Variants in CADM2 observed in about 807,000 individuals in gnomAD.
CADM2 encodes the protein immunoglobulin superfamily member 4D.
In CADM2, 12 loss-of-function variants were observed where a neutral mutation model predicts 49.8. The observed-to-expected ratio is 0.24, with a 90% CI of 0.15 to 0.39. The LOEUF (loss-of-function observed/expected upper bound fraction) is 0.39. Among genes scored for constraint, CADM2 ranks in the 10% least tolerant of loss-of-function variants. CADM2 has a pLI of 1.00. For synonymous variants in CADM2, 214 were observed against 175.4 expected, an observed-to-expected ratio of 1.22 and a Z score of -1.74; for missense variants, 378 against 492.3, an observed-to-expected ratio of 0.77 and a Z score of 2.20.
chr3:85,783,665 A>T (rs2070793924), intron 2 of CADM2, among the ~76,000 whole-genome samples: 1 of 152,222 alleles, frequency 6.6e-6, no homozygotes, highest in African/African-American at 2.4e-5. Context: ...AGCATTATAT[A>T]TTTTTAAGTA....
At chr3:86,042,193 T>G (rs1213291887) in intron 8 of CADM2, among the ~76,000 whole-genome samples, 1 of 151,772 alleles carries the variant, frequency 6.6e-6, no homozygotes, top group African/African-American at 2.4e-5. Flanking sequence ...GAAAACACAT[T>G]CAAAAGCTAG....
At chr3:85,491,672 C>G (rs2039678393) in intron 1 of CADM2, among the ~76,000 whole-genome samples, 2 of 152,212 alleles carry the variant, frequency 1.3e-5, no homozygotes, top group African/African-American at 4.8e-5. Flanking sequence ...TTCTTCTGGG[C>G]CGGGCACGGT....
chr3:85,886,452 C>T (rs1414785568), intron 5 of CADM2, 125 bp downstream of exon 5: 1 of 634,544 alleles, frequency 1.6e-6, no homozygotes, highest in Non-Finnish European at 2.7e-6. Context: ...TCATTTGAAC[C>T]AGATTTACCC....
chr3:85,545,198 G>C (rs2061641236), intron 1 of CADM2, among the ~76,000 whole-genome samples: 1 of 152,142 alleles, frequency 6.6e-6, no homozygotes, highest in Non-Finnish European at 1.5e-5. Context: ...GGCATCGTTG[G>C]TTCCTTAAAC....
chr3:85,069,796 G>T (rs144030775), intron 1 of CADM2, among the ~76,000 whole-genome samples: 1 of 152,060 alleles, frequency 6.6e-6, no homozygotes, highest in Admixed American at 6.6e-5. Context: ...ATGTCTAGAC[G>T]TCATACAAAT....
chr3:85,713,380 C>T (rs1382974201), intron 1 of CADM2, among the ~76,000 whole-genome samples: 1 of 152,160 alleles, frequency 6.6e-6, no homozygotes, highest in Non-Finnish European at 1.5e-5. Context: ...TACTCCTCAC[C>T]TCAGGTGATC....
intron 1 of CADM2, among the ~76,000 whole-genome samples, chr3:85,347,815 T>TTTTTTTG (rs2030897691): frequency 6.9e-6 from 1 of 145,852 alleles, no homozygotes; most frequent in Non-Finnish European, 1.5e-5. Flanking sequence ...CAGTTTTTTG[T>TTTTTTTG]TTTTTTTTTT....
chr3:85,158,094 T>G (rs1345232308), intron 1 of CADM2, among the ~76,000 whole-genome samples: 1 of 152,176 alleles, frequency 6.6e-6, no homozygotes, highest in South Asian at 2.1e-4. Flanking sequence ...GAAAAAATGC[T>G]CACCATCACT....
intron 1 of CADM2, among the ~76,000 whole-genome samples, chr3:85,216,470 A>G (rs1242190278): frequency 6.6e-6 from 1 of 151,486 alleles, no homozygotes; most frequent in Non-Finnish European, 1.5e-5. Context: ...GTCCATAAAG[A>G]GATTAATTTG....
At chr3:85,230,689 A>T (rs1325670325) in intron 1 of CADM2, among the ~76,000 whole-genome samples, 1 of 152,198 alleles carries the variant, frequency 6.6e-6, no homozygotes, top group African/African-American at 2.4e-5. Context: ...ATTAACTCTC[A>T]GATACTGCTT....
chr3:85,856,846 TAA>T (rs2075336420), intron 3 of CADM2, among the ~76,000 whole-genome samples: 1 of 152,172 alleles, frequency 6.6e-6, no homozygotes, highest in Non-Finnish European at 1.5e-5. Flanking sequence ...GGAAATTAAG[TAA>T]AAAGTTATTT....
chr3:86,042,829 A>G (rs1043694350), intron 8 of CADM2, among the ~76,000 whole-genome samples: 54 of 152,204 alleles, frequency 3.5e-4, no homozygotes, highest in Admixed American at 7.2e-4. Flanking sequence ...AAAAATCCTC[A>G]ATAAAATACT....
At chr3:85,780,097 C>A (rs576377499) in intron 2 of CADM2, among the ~76,000 whole-genome samples, 2 of 152,246 alleles carry the variant, frequency 1.3e-5, no homozygotes, top group Non-Finnish European at 2.9e-5. Flanking sequence ...TAAGTGAAAT[C>A]TGAAATGCGA....
intron 2 of CADM2, among the ~76,000 whole-genome samples, chr3:85,727,845 G>A (rs2067767977): frequency 6.6e-6 from 1 of 152,046 alleles, no homozygotes; most frequent in Non-Finnish European, 1.5e-5. Flanking sequence ...TAGAAAACAA[G>A]TAGTGTATTT....
chr3:85,224,337 TC>T (rs1409844052), intron 1 of CADM2, among the ~76,000 whole-genome samples: 1 of 152,214 alleles, frequency 6.6e-6, no homozygotes, highest in Non-Finnish European at 1.5e-5. Context: ...GATGTGCATT[TC>T]TCTAATGAAC....
intron 1 of CADM2, among the ~76,000 whole-genome samples, chr3:85,640,160 A>G (rs898359508): frequency 6.6e-6 from 1 of 152,150 alleles, no homozygotes; most frequent in African/African-American, 2.4e-5. Flanking sequence ...GCATTTCATT[A>G]GGATAGTACC....
intron 1 of CADM2, among the ~76,000 whole-genome samples, chr3:85,593,070 T>C (rs928351925): frequency 2.6e-5 from 4 of 152,038 alleles, no homozygotes; most frequent in Non-Finnish European, 5.9e-5. Flanking sequence ...TTTCGGTTGC[T>C]ATTTTTCCCT....
At chr3:85,532,133 C>T (rs909078502) in intron 1 of CADM2, among the ~76,000 whole-genome samples, 2 of 152,052 alleles carry the variant, frequency 1.3e-5, no homozygotes, top group Non-Finnish European at 2.9e-5. Context: ...GCCGAGATCC[C>T]GCCATTGCAC....
intron 1 of CADM2, among the ~76,000 whole-genome samples, chr3:85,013,648 G>C (rs532642692): frequency 2.2e-4 from 33 of 151,110 alleles, no homozygotes; most frequent in African/African-American, 7.5e-4. Context: ...TATAAATATG[G>C]TTAATGGTAA....
Sources: allele counts gnomAD v4.1 joint callset (sites outside exome capture counted in the v4.1 genomes callset), GRCh38; gene constraint gnomAD v4.1.1; transcripts MANE v1.5; gene names NCBI Gene and HGNC (gene_info 2026-07-23, HGNC 2026-07-21).